The following PRSS38 variants were observed in gnomAD, a reference collection of about 807,000 sequenced individuals.
The protein encoded by PRSS38 is serine protease 38.
In PRSS38, 22 loss-of-function variants were observed where a neutral mutation model predicts 26.8. The ratio of observed to expected loss-of-function variants is 0.82; its 90% confidence interval spans 0.59 to 1.17. The LOEUF (loss-of-function observed/expected upper bound fraction) is 1.17. Among genes scored for constraint, PRSS38 ranks in the 50% most tolerant of loss-of-function variants. PRSS38 has a pLI of 0.00. For missense variants in PRSS38, 427 were observed against 422.7 expected (o/e 1.01, Z -0.09); for synonymous variants, 175 against 172.1 (o/e 1.02, Z -0.13).
intron 3 of PRSS38, among the ~76,000 whole-genome samples, chr1:227,837,131 C>T (rs1414357568): frequency 2.0e-5 from 3 of 152,210 alleles, no homozygotes; most frequent in Non-Finnish European, 4.4e-5. Context: ...GCTGGGACTA[C>T]AGGCGTGCGC....
intron 3 of PRSS38, among the ~76,000 whole-genome samples, chr1:227,819,284 C>G (rs1454053659): frequency 6.6e-6 from 1 of 152,110 alleles, no homozygotes; most frequent in Non-Finnish European, 1.5e-5. Flanking sequence ...TCTAAGTTTG[C>G]TTAACCAAAC....
At chr1:227,823,283 TA>T (rs1665027971) in intron 3 of PRSS38, among the ~76,000 whole-genome samples, 1 of 151,912 alleles carries the variant, frequency 6.6e-6, no homozygotes, top group Admixed American at 6.6e-5. Flanking sequence ...TATGGCTGAG[TA>T]GTATTCCATG....
chr1:227,832,460 A>G (rs1305719616), intron 3 of PRSS38, among the ~76,000 whole-genome samples: 2 of 152,076 alleles, frequency 1.3e-5, no homozygotes, highest in Admixed American at 1.3e-4. Flanking sequence ...TTTAGACTAT[A>G]TTTCAAAAGA....
chr1:227,837,382 T>TA (rs2102683237), intron 3 of PRSS38, among the ~76,000 whole-genome samples: 1 of 152,332 alleles, frequency 6.6e-6, no homozygotes, highest in East Asian at 1.9e-4. Flanking sequence ...TTTCGCTGAC[T>TA]ACTGTTTTTG....
exon 1 of PRSS38, chr1:227,815,709 C>A (rs371190740): frequency 6.3e-7 from 1 of 1,576,288 alleles, no homozygotes; most frequent in East Asian, 2.3e-5. Context: ...GGCGCTGCCT[C>A]GAGCCTCATG....
In PRSS38 at chr1:227,823,063, T is replaced by C. The variant is rs1024759220; in HGVS notation, c.583+5583T>C. On this transcript the variant is annotated intron_variant, in intron 3 of 4. Transcript: ENST00000366757. ...CCCAAATAGTGAACATTTTACCCAA[T>C]AGGTAATTTCTCATCCCCCATCACC... is the stretch of plus-strand genomic sequence containing the variant. Among the ~76,000 whole-genome samples, 3 of 152,246 alleles carry C rather than the reference T, an allele frequency of 2.0e-5. No individual in the cohort carries two copies. The East Asian group carries it at 5.8e-4, about 29-fold the overall frequency.
rs139003636 is a variant in PRSS38, at chr1:227,830,204, G to T, written c.583+12724G>T. Among the ~76,000 whole-genome samples, 702 of 152,118 alleles carry T rather than the reference G, an allele frequency of 4.6e-3. 12 individuals are homozygous for T. The South Asian group carries it at 0.058, about 13-fold the overall frequency. Reference sequence around the variant, plus strand: ...ATCAATTTGTTAATACTTTGTTAAAGATTTTTGCAACTACATTTATGAGAC... The same window carrying T: ...ATCAATTTGTTAATACTTTGTTAAATATTTTTGCAACTACATTTATGAGAC... On this transcript the variant is annotated intron_variant, in intron 3 of 4. Coordinates refer to ENST00000366757, the Ensembl canonical transcript of PRSS38.
chr1:227,846,124 T>G (rs1665427532), exon 5 of PRSS38: 1 of 1,614,102 alleles, frequency 6.2e-7, no homozygotes, highest in African/African-American at 1.3e-5. Context: ...CCACTCCTGC[T>G]CAGCCAGCCC....
Position 227,816,055 on chromosome 1 carries a change from GCATGGCTC to G in PRSS38, c.149-32_149-25del, listed in dbSNP as rs771406982. The G allele has an allele frequency of 2.5e-6, 4 of 1,570,580 alleles. No homozygotes were observed. The African/African-American group carries it at 5.5e-5, about 21-fold the overall frequency. Reference sequence around the variant, plus strand: ...CTGCCCTACCTCTCCCGTGGCCCCAGCATGGCTCCACCGTCAGCTCCGTTCTCCCTGCA... The same window carrying G: ...CTGCCCTACCTCTCCCGTGGCCCCAGCACCGTCAGCTCCGTTCTCCCTGCA... On this transcript the variant is annotated intron_variant, in intron 1 of 4. Coordinates refer to ENST00000366757, the Ensembl canonical transcript of PRSS38. This position sits in a 1 kb window ranked among gnomAD's most constrained non-coding sequence, Gnocchi z 5.1.
intron 3 of PRSS38, among the ~76,000 whole-genome samples, chr1:227,822,847 T>C (rs987886031): frequency 1.3e-5 from 2 of 152,238 alleles, no homozygotes; most frequent in African/African-American, 4.8e-5. Flanking sequence ...GCATGTGTCT[T>C]ACCCTGGGCA....
At chr1:227,845,603 C>T (rs144441622) in exon 4 of PRSS38, 50 of 1,613,376 alleles carry the variant, frequency 3.1e-5, no homozygotes, top group East Asian at 4.5e-5. Context: ...ATGCTAAGAC[C>T]GTGTGTGAGG....
At chr1:227,817,529 C>A in intron 3 of PRSS38, 49 bp downstream of exon 3, 1 of 1,587,974 alleles carries the variant, frequency 6.3e-7, no homozygotes, top group South Asian at 1.1e-5. Flanking sequence ...GCTTCTCTTC[C>A]ACCACAGGGA....
chr1:227,815,975 T>C (rs75865065), intron 1 of PRSS38, 111 bp downstream of exon 1: 104,631 of 1,205,258 alleles, frequency 0.087, 5,464 homozygotes, highest in African/African-American at 0.25. Context: ...CCCTCCCCCA[T>C]GTCCCCTGCC....
intron 3 of PRSS38, among the ~76,000 whole-genome samples, chr1:227,840,641 T>A (rs996991784): frequency 1.3e-5 from 2 of 152,202 alleles, no homozygotes; most frequent in African/African-American, 4.8e-5. Flanking sequence ...CGGTGTCTAC[T>A]CTTTGGCCCT....
rs1664914207 is a variant in PRSS38 at position 227,816,257 on chromosome 1, G to A, written c.311+5G>A. The A allele has an allele frequency of 1.2e-6, 2 of 1,608,534 alleles. No homozygotes were observed. The highest frequency in any genetic ancestry group is 1.3e-5 in the African/African-American group (1 of 74,946). On this transcript the variant is annotated splice_donor_5th_base_variant and intron_variant, in intron 2 of 4. Coordinates refer to ENST00000366757, the Ensembl canonical transcript of PRSS38. This position sits in a 1 kb window ranked among gnomAD's most constrained non-coding sequence, Gnocchi z 5.1. ...AGCTGCGCACTGCTTTCACAGGTAAGCGGGCGCCGGCCTGGGATGGTGTGG... is the reference window on the plus strand; with the variant it reads ...AGCTGCGCACTGCTTTCACAGGTAAACGGGCGCCGGCCTGGGATGGTGTGG...
At chr1:227,815,750 G>A (rs769736381) in exon 1 of PRSS38, 16 of 1,605,666 alleles carry the variant, frequency 1.0e-5, no homozygotes, top group South Asian at 7.7e-5. Flanking sequence ...GGGCCCACTC[G>A]GGCCCTCTGC....
chr1:227,836,108 T>G (rs1665235040), intron 3 of PRSS38, among the ~76,000 whole-genome samples: 1 of 151,888 alleles, frequency 6.6e-6, no homozygotes, highest in African/African-American at 2.4e-5. Flanking sequence ...TTTTACTTTT[T>G]TTTTTTTCGA....
At chr1:227,830,800 C>T (rs7518148) in intron 3 of PRSS38, among the ~76,000 whole-genome samples, 18,962 of 151,898 alleles carry the variant, frequency 0.12, 1,890 homozygotes, top group African/African-American at 0.28. Context: ...CCACCGTGCC[C>T]GGCCTTAAGG....
intron 3 of PRSS38, among the ~76,000 whole-genome samples, chr1:227,843,724 A>G (rs1216643585): frequency 2.6e-5 from 4 of 151,132 alleles, no homozygotes; most frequent in Admixed American, 1.3e-4. Context: ...AAAATGTCAA[A>G]CAAACAAAAA....
Sources: gnomAD v4.1 joint callset for allele counts (sites outside exome capture counted in the v4.1 genomes callset) on GRCh38, gnomAD v4.1.1 for gene constraint, Gnocchi (gnomAD v3.1) non-coding constraint, MANE v1.5 for transcripts, NCBI Gene and HGNC (gene_info 2026-07-23, HGNC 2026-07-21) for gene names.